GANC: variants seen among roughly 807,000 people sequenced by gnomAD.
GANC encodes glucosidase alpha, neutral C.
A neutral mutation model predicts 124.2 loss-of-function variants in GANC; 117 were observed. The ratio of observed to expected loss-of-function variants is 0.94; its 90% CI spans 0.81 to 1.10. The LOEUF (loss-of-function observed/expected upper bound fraction) is 1.10. GANC is among the 50% of genes least tolerant of loss of function. The probability of loss-of-function intolerance (pLI) is 0.00; values close to 1 mark genes in which losing one functional copy is unlikely to be tolerated. For synonymous variants in GANC, 377 were observed against 376.8 expected (o/e 1.00, Z -0.01); for missense variants, 1,140 against 1,095.0 (o/e 1.04, Z -0.58).
intron 5 of GANC, among the ~76,000 whole-genome samples, chr15:42,294,505 G>A (rs986303457): frequency 6.7e-6 from 1 of 149,398 alleles, no homozygotes; most frequent in African/African-American, 2.5e-5. Flanking sequence ...AACCCAGGAG[G>A]TGGAGGTTGC....
At position 42,352,239 on chromosome 15, in the gene GANC, C is replaced by T. The variant is rs2052452317; in HGVS notation, c.*100C>T. The T allele has an allele frequency of 2.6e-6, 4 of 1,534,576 alleles. No homozygotes were observed. Among genetic ancestry groups the T allele is most frequent in the African/African-American group, 1.4e-5 (1 of 72,630 alleles). On this transcript the variant is annotated 3_prime_UTR_variant, in exon 24 of 24. Coordinates refer to ENST00000318010, the MANE Select transcript of GANC (RefSeq NM_198141.3). ...TTTTTGCTGCAATCTGTTTGCCTTC[C>T]CTGAATCAAAATAATCTTTCATTCG...
At chr15:42,297,354 G>A (rs1430122558) in intron 5 of GANC, among the ~76,000 whole-genome samples, 1 of 151,974 alleles carries the variant, frequency 6.6e-6, no homozygotes, top group Non-Finnish European at 1.5e-5. Context: ...TTAAAGATGA[G>A]ATCTCACTAT....
chr15:42,274,426 A>G lies in GANC; in HGVS notation c.-56A>G. The G allele has an allele frequency of 1.3e-6, 2 of 1,584,972 alleles. No individual in the cohort carries two copies. Among genetic ancestry groups the G allele is most frequent in the Non-Finnish European group, 1.7e-6 (2 of 1,165,282 alleles). On this transcript the variant is annotated 5_prime_UTR_variant, in exon 1 of 24. Coordinates refer to ENST00000318010, the MANE Select transcript of GANC (RefSeq NM_198141.3). ...GACACCCAATCGGCTTTTTTAAAAG[A>G]TCGCCCAGGGCCCTTGTCCTGAGAG...
At chr15:42,321,313 G>A (rs1223461623) in intron 10 of GANC, among the ~76,000 whole-genome samples, 1 of 152,000 alleles carries the variant, frequency 6.6e-6, no homozygotes, top group Admixed American at 6.5e-5. Context: ...ATCTTCTACT[G>A]GTCTCTCTCA....
In GANC at chr15:42,306,487, T is replaced by C. The variant is rs1412264943; in HGVS notation, c.559-59T>C. The C allele has an allele frequency of 2.3e-6, 3 of 1,303,532 alleles. No individual in the cohort carries two copies. The African/African-American group carries it at 4.5e-5, about 19-fold the overall frequency. The allele number at this position is 1,303,532 out of a possible 1,614,324, so 80.7% of individuals were successfully genotyped here. A position where few individuals can be genotyped will look rare whatever the true frequency, so the allele number is the denominator to read the frequency against. On this transcript the variant is annotated intron_variant, in intron 6 of 23. Coordinates refer to ENST00000318010, the MANE Select transcript of GANC (RefSeq NM_198141.3). ...ATAATCCAAATAAAATGAGCTATTG[T>C]GGTAAACACATTTGTTGCAATTTGT...
intron 13 of GANC, 95 bp from the exon 14 acceptor site, chr15:42,329,208 GATA>G (rs2141063612): frequency 8.2e-7 from 1 of 1,220,478 alleles, no homozygotes; most frequent in East Asian, 2.4e-5. Flanking sequence ...ACAGAGCATA[GATA>G]ATAAACATAA....
In GANC at chr15:42,287,851, G is replaced by A. The variant is rs772872216; in HGVS notation, c.329+33G>A. 13 of 1,585,792 alleles carry A rather than the reference G, an allele frequency of 8.2e-6. No homozygotes were observed. In the African/African-American group the frequency reaches 1.1e-4, roughly 13 times the overall value. ...AAGGAGCGAGGTATTTTAGAGACAC[G>A]CTTGATATATTCTTTTATCATATCT... On this transcript the variant is annotated intron_variant, in intron 4 of 23. Transcript: ENST00000318010.
At chr15:42,325,046 C>T (rs1172062694) in intron 11 of GANC, among the ~76,000 whole-genome samples, 1 of 151,752 alleles carries the variant, frequency 6.6e-6, no homozygotes, top group African/African-American at 2.4e-5. Flanking sequence ...AGCAGATCAC[C>T]TGAGGTCAGG....
chr15:42,278,400 T>C, intron 2 of GANC, 82 bp from the exon 3 acceptor site: 1 of 897,914 alleles, frequency 1.1e-6, no homozygotes, highest in Non-Finnish European at 1.7e-6. Flanking sequence ...TGAATTTTAA[T>C]GACTTCCACA....
At chr15:42,303,982 A>G (rs2051971169) in intron 6 of GANC, among the ~76,000 whole-genome samples, 1 of 152,180 alleles carries the variant, frequency 6.6e-6, no homozygotes, top group African/African-American at 2.4e-5. Flanking sequence ...CAGGACTTGA[A>G]CTCAGCACTG....
intron 11 of GANC, 106 bp downstream of exon 11, chr15:42,322,126 C>A: frequency 2.3e-6 from 2 of 876,560 alleles, no homozygotes; most frequent in Non-Finnish European, 3.5e-6. Flanking sequence ...TAAAAAATGG[C>A]TGTGAAAATA....
intron 6 of GANC, among the ~76,000 whole-genome samples, chr15:42,302,747 G>C (rs941911917): frequency 1.6e-4 from 25 of 152,032 alleles, no homozygotes; most frequent in African/African-American, 6.0e-4. Context: ...GTGGAAGAAA[G>C]GATATCAGAG....
intron 13 of GANC, 110 bp downstream of exon 13, chr15:42,327,552 T>A: frequency 1.1e-6 from 1 of 924,168 alleles, no homozygotes; most frequent in South Asian, 1.6e-5. Context: ...TGATATATAA[T>A]GCTTTTATTA....
intron 11 of GANC, among the ~76,000 whole-genome samples, chr15:42,323,857 G>A (rs1300491834): frequency 6.6e-6 from 1 of 152,154 alleles, no homozygotes; most frequent in Non-Finnish European, 1.5e-5. Context: ...TGAGTAAGCA[G>A]GGAGAGGGAA....
At position 42,310,479 on chromosome 15, in the gene GANC, T is replaced by A. The variant is rs745798333; in HGVS notation, c.903+16T>A. On this transcript the variant is annotated intron_variant, in intron 9 of 23. Coordinates refer to ENST00000318010, the MANE Select transcript of GANC (RefSeq NM_198141.3). ...TGCAGTAGAGGTGAGCTATTTATCA[T>A]GGCTACATGTCATACTTAAAGAAGA... The A allele has an allele frequency of 6.3e-7, 1 of 1,576,998 alleles. No homozygotes were observed. Among genetic ancestry groups the A allele is most frequent in the South Asian group, 1.1e-5 (1 of 87,878 alleles).
intron 11 of GANC, among the ~76,000 whole-genome samples, chr15:42,325,228 G>C (rs548523628): frequency 6.6e-6 from 1 of 152,098 alleles, no homozygotes; most frequent in Non-Finnish European, 1.5e-5. Flanking sequence ...AGCCGAGATC[G>C]TGCCACTGCA....
chr15:42,316,249 G>A (rs1165680991), intron 10 of GANC, among the ~76,000 whole-genome samples: 1 of 152,168 alleles, frequency 6.6e-6, no homozygotes, highest in Non-Finnish European at 1.5e-5. Context: ...ATGAGAGATT[G>A]TAAGAAATAA....
chr15:42,322,360 A>G (rs888801490), intron 11 of GANC, among the ~76,000 whole-genome samples: 4 of 152,206 alleles, frequency 2.6e-5, no homozygotes, highest in African/African-American at 7.2e-5. Flanking sequence ...CTAAGAGTAT[A>G]TTAAAAAGTT....
chr15:42,347,050 T>G (rs945394166), intron 20 of GANC, among the ~76,000 whole-genome samples: 1 of 151,030 alleles, frequency 6.6e-6, no homozygotes, highest in Admixed American at 6.6e-5. Context: ...TCAGAGAAGT[T>G]AAATTATTTG....
Sources: allele counts gnomAD v4.1 joint callset (sites outside exome capture counted in the v4.1 genomes callset), GRCh38; gene constraint gnomAD v4.1.1; transcripts MANE v1.5; gene names NCBI Gene and HGNC (gene_info 2026-07-23, HGNC 2026-07-21).